Variants in ATP1B1 observed in about 807,000 individuals in gnomAD.
ATP1B1 encodes ATPase Na+/K+ transporting subunit beta 1.
A neutral mutation model predicts 39.6 loss-of-function variants in ATP1B1; 3 were observed. That is an observed-to-expected ratio of 0.08 (90% CI 0.03 to 0.20). ATP1B1 has a LOEUF of 0.20. ATP1B1 is among the 10% of genes least tolerant of loss of function. ATP1B1 has a pLI of 1.00. For missense variants in ATP1B1, 216 were observed against 371.1 expected (o/e 0.58, Z 3.43); for synonymous variants, 139 against 135.0 (o/e 1.03, Z -0.20).
chr1:169,110,935 CA>C (rs1013304039), intron 1 of ATP1B1, among the ~76,000 whole-genome samples: 1 of 152,088 alleles, frequency 6.6e-6, no homozygotes. Context: ...ATTTAAATGT[CA>C]AGGGATATGC....
At chr1:169,125,133 A>G (rs762780258) in intron 3 of ATP1B1, 94 bp downstream of exon 3, 140 of 1,418,776 alleles carry the variant, frequency 9.9e-5, no homozygotes, top group Non-Finnish European at 1.3e-4. Context: ...TCGAGAGATA[A>G]TCCTGAAATA....
At chr1:169,110,531 C>G in intron 1 of ATP1B1, 1 of 778,896 alleles carries the variant, frequency 1.3e-6, no homozygotes, top group South Asian at 1.8e-5. Flanking sequence ...AAACCAGTAA[C>G]TGATAGCCAC....
intron 4 of ATP1B1, 32 bp from the exon 5 acceptor site, chr1:169,129,978 A>C (rs746612641): frequency 3.1e-6 from 5 of 1,597,416 alleles, no homozygotes; most frequent in Non-Finnish European, 4.3e-6. Flanking sequence ...AATCATTTAC[A>C]ATCTACTGAT....
In ATP1B1 at chr1:169,132,144, G is replaced by A; in HGVS notation, c.*589G>A. On this transcript the variant is annotated 3_prime_UTR_variant, in exon 6 of 6. Transcript: ENST00000367815. ...AGGTCTTTATTTTTATTTTTTTCCTGGGGGCTGGGGTGGGGGTTTGTCATG... is the reference window on the plus strand; with the variant it reads ...AGGTCTTTATTTTTATTTTTTTCCTAGGGGCTGGGGTGGGGGTTTGTCATG... 1.7e-6 allele frequency: 1 copy of A among 582,176 alleles called. No homozygotes were observed. The highest frequency in any genetic ancestry group is 1.5e-5 in the South Asian group (1 of 66,002). 36.1% of individuals were successfully genotyped at this position (582,176 alleles called of 1,614,324 possible).
intron 1 of ATP1B1, among the ~76,000 whole-genome samples, chr1:169,107,267 T>G (rs1192927872): frequency 1.3e-5 from 2 of 151,604 alleles, no homozygotes; most frequent in East Asian, 3.9e-4. Flanking sequence ...TACATTTGTC[T>G]CTCCCGTGTC....
In ATP1B1 at chr1:169,127,375, A is replaced by G. The variant is rs1373534737; in HGVS notation, c.534A>G (p.Ile178Met). The change falls in exon 4 of 6, where the codon ATA becomes ATG. Residue 178 changes from isoleucine to methionine, a missense_variant. Physicochemically the swap from Ile to Met is conservative, Grantham distance 10. Coordinates refer to ENST00000367815, the MANE Select transcript of ATP1B1 (RefSeq NM_001677.4). ...AAGAGGGCAAACCGTGCATTATTAT[A>G]AAGCTCAACCGAGTTCTAGGCTTCA... is the stretch of plus-strand genomic sequence containing the variant. ...GYKEGKPCII[I>M]KLNRVLGFKP... The G allele has an allele frequency of 1.2e-6, 2 of 1,612,034 alleles. No individual in the cohort carries two copies. Among genetic ancestry groups the G allele is most frequent in the South Asian group, 2.2e-5 (2 of 90,260 alleles).
At chr1:169,121,630 C>A (rs993722324) in intron 2 of ATP1B1, among the ~76,000 whole-genome samples, 2 of 152,084 alleles carry the variant, frequency 1.3e-5, no homozygotes, top group South Asian at 4.2e-4. Context: ...ATGCAAGCAG[C>A]CAGAAAGTGA....
At chr1:169,117,276 A>G (rs1056544875) in intron 2 of ATP1B1, among the ~76,000 whole-genome samples, 7 of 152,136 alleles carry the variant, frequency 4.6e-5, no homozygotes, top group African/African-American at 1.4e-4. Flanking sequence ...ATTGGTGGCA[A>G]TTAGATTTCC....
At position 169,106,725 on chromosome 1, in the gene ATP1B1, C is replaced by T. The variant is rs911756191; in HGVS notation, c.-105C>T. The T allele has an allele frequency of 4.5e-6, 4 of 892,362 alleles. No homozygotes were observed. The highest frequency in any genetic ancestry group is 6.4e-6 in the Non-Finnish European group (4 of 621,602). 55.3% of individuals were successfully genotyped at this position (892,362 alleles called of 1,614,324 possible). On this transcript the variant is annotated 5_prime_UTR_variant, in exon 1 of 6. Coordinates refer to ENST00000367815, the MANE Select transcript of ATP1B1 (RefSeq NM_001677.4). ...CCGCAGCGGCAGCGGCGCGTCCTGC[C>T]TGCAGAGAGCCAGGCCGGAGAAGCC...
chr1:169,127,542 C>A, intron 4 of ATP1B1, 134 bp downstream of exon 4: 3 of 891,742 alleles, frequency 3.4e-6, no homozygotes, highest in Non-Finnish European at 4.9e-6. Context: ...TAGAGTAACA[C>A]CAAAAACTTC....
chr1:169,131,179 T>C lies in ATP1B1; in HGVS notation c.649-113T>C. ...GCAATGGAATAGACTGAGTAGATGT[T>C]CTTTCCTCTCTCAGTAGTTTGCAAA... On this transcript the variant is annotated intron_variant, in intron 5 of 5. Coordinates refer to ENST00000367815, the MANE Select transcript of ATP1B1 (RefSeq NM_001677.4). The surrounding 1 kb of genome is among the most constrained non-coding windows in gnomAD (Gnocchi z 4.4). 7.5e-7 allele frequency: 1 copy of C among 1,325,316 alleles called. No homozygotes were observed. Among genetic ancestry groups the C allele is most frequent in the Non-Finnish European group, 1.0e-6 (1 of 955,400 alleles). The allele number at this position is 1,325,316 out of a possible 1,614,324, so 82.1% of individuals were successfully genotyped here. A position where few individuals can be genotyped will look rare whatever the true frequency, so the allele number is the denominator to read the frequency against.
chr1:169,108,595 C>T (rs74772414), intron 1 of ATP1B1, among the ~76,000 whole-genome samples: 2,283 of 152,238 alleles, frequency 0.015, 45 homozygotes, highest in African/African-American at 0.052. Context: ...TGCATCTTTG[C>T]TCATTCCAGT....
At chr1:169,124,557 G>A (rs1305187827) in intron 2 of ATP1B1, among the ~76,000 whole-genome samples, 1 of 152,204 alleles carries the variant, frequency 6.6e-6, no homozygotes, top group Non-Finnish European at 1.5e-5. Context: ...CACCTGGGTT[G>A]GAATTCTGGT....
chr1:169,106,751 G>A lies in ATP1B1; in HGVS notation c.-79G>A. 8.4e-7 allele frequency: 1 copy of A among 1,189,762 alleles called. No individual in the cohort carries two copies. The highest frequency in any genetic ancestry group is 3.2e-5 in the Admixed American group (1 of 31,510). 73.7% of individuals were successfully genotyped at this position (1,189,762 alleles called of 1,614,324 possible). On this transcript the variant is annotated 5_prime_UTR_variant, in exon 1 of 6. Coordinates refer to ENST00000367815, the MANE Select transcript of ATP1B1 (RefSeq NM_001677.4). ...TGCAGAGAGCCAGGCCGGAGAAGCC[G>A]AGCGGCGCAGAGGACGCCAGGGCGC...
chr1:169,121,924 T>C (rs1037358092), intron 2 of ATP1B1, among the ~76,000 whole-genome samples: 50 of 152,316 alleles, frequency 3.3e-4, no homozygotes, highest in African/African-American at 1.1e-3. Flanking sequence ...GGTCTTCCCC[T>C]GACCTTCCCT....
At chr1:169,116,092 C>T (rs550450908) in intron 2 of ATP1B1, among the ~76,000 whole-genome samples, 5 of 152,376 alleles carry the variant, frequency 3.3e-5, no homozygotes, top group South Asian at 4.1e-4. Flanking sequence ...TGCACACACA[C>T]GCATGCTCAT....
chr1:169,132,095 T>G lies in ATP1B1; in HGVS notation c.*540T>G, dbSNP rs1234000579. On this transcript the variant is annotated 3_prime_UTR_variant, in exon 6 of 6. Coordinates refer to ENST00000367815, the MANE Select transcript of ATP1B1 (RefSeq NM_001677.4). ...CCATCGATGAGCATTTTTAACATAC[T>G]CCATAGTCTTTTCCTGTGGTGTTAG... 10 of 416,008 alleles carry G rather than the reference T, an allele frequency of 2.4e-5. No homozygotes were observed. The East Asian group carries it at 1.1e-3, about 45-fold the overall frequency. The allele number at this position is 416,008 out of a possible 1,614,324, so 25.8% of individuals were successfully genotyped here.
In ATP1B1 at chr1:169,110,712, CAT is replaced by C. The variant is rs1557946785; in HGVS notation, c.98-657_98-656del. On this transcript the variant is annotated intron_variant, in intron 1 of 5. Transcript: ENST00000367815. ...GAAGATGGAATTAAAATGTGCTGGT[CAT>C]TTTCACTATAGAATTTTCTTTTTTT... is the stretch of plus-strand genomic sequence containing the variant. The C allele has an allele frequency of 4.7e-6, 6 of 1,272,652 alleles. No individual in the cohort carries two copies. The South Asian group carries it at 7.7e-5, about 16-fold the overall frequency. The allele number at this position is 1,272,652 out of a possible 1,614,324, so 78.8% of individuals were successfully genotyped here. A position where few individuals can be genotyped will look rare whatever the true frequency, so the allele number is the denominator to read the frequency against.
intron 1 of ATP1B1, chr1:169,110,585 T>C (rs1557946716): frequency 2.0e-6 from 2 of 1,001,828 alleles, no homozygotes; most frequent in Non-Finnish European, 2.6e-6. Context: ...TTTTTTTTTT[T>C]TGCTTTTGCA....
Sources: gnomAD v4.1 joint callset for allele counts (sites outside exome capture counted in the v4.1 genomes callset) on GRCh38, gnomAD v4.1.1 for gene constraint, Gnocchi (gnomAD v3.1) non-coding constraint, MANE v1.5 for transcripts, NCBI Gene and HGNC (gene_info 2026-07-23, HGNC 2026-07-21) for gene names.